DSCAML1: variants seen among roughly 807,000 people sequenced by gnomAD.
DSCAML1 encodes the protein DS cell adhesion molecule like 1, also known as cell adhesion molecule DSCAML1.
Under a neutral mutation model 200.5 loss-of-function variants are expected in DSCAML1, and 38 were observed. The ratio of observed to expected loss-of-function variants is 0.19; its 90% CI spans 0.15 to 0.25. DSCAML1 has a LOEUF of 0.25. DSCAML1 is among the 10% of genes least tolerant of loss of function. The pLI is 1.00. For missense variants in DSCAML1, 2,223 were observed against 2,858.8 expected (o/e 0.78, Z 5.07); for synonymous variants, 1,215 against 1,165.0 (o/e 1.04, Z -0.87).
intron 3 of DSCAML1, among the ~76,000 whole-genome samples, chr11:117,640,288 G>A (rs1430525027): frequency 6.6e-6 from 1 of 152,214 alleles, no homozygotes; most frequent in Non-Finnish European, 1.5e-5. Context: ...TTCCATCGCT[G>A]AGCCAGCCCT....
At chr11:117,691,883 G>C (rs756450626) in intron 3 of DSCAML1, among the ~76,000 whole-genome samples, 3 of 152,032 alleles carry the variant, frequency 2.0e-5, no homozygotes, top group Non-Finnish European at 2.9e-5. Flanking sequence ...GGGTGGGTGG[G>C]GCTGCAGGGG....
chr11:117,440,943 AAAAAG>A (rs2048033284), intron 21 of DSCAML1, among the ~76,000 whole-genome samples: 2 of 150,878 alleles, frequency 1.3e-5, no homozygotes, highest in Non-Finnish European at 3.0e-5. Flanking sequence ...AAAAAAAAAA[AAAAAG>A]GAGTGGTGTC....
Position 117,428,067 on chromosome 11 carries a change from A to C in DSCAML1, c.*261T>G. ...CCTGTCTGTCTATATATGTATATATATCTCCACACATATTTTGTGGGGTGG... is the reference window on the plus strand; with the variant it reads ...CCTGTCTGTCTATATATGTATATATCTCTCCACACATATTTTGTGGGGTGG... On this transcript the variant is annotated 3_prime_UTR_variant, in exon 33 of 33. Transcript: ENST00000651296. 1 of 397,600 alleles carries C rather than the reference A, an allele frequency of 2.5e-6. No homozygotes were observed. Among genetic ancestry groups the C allele is most frequent in the Non-Finnish European group, 4.5e-6 (1 of 221,804 alleles). 24.6% of individuals were successfully genotyped at this position (397,600 alleles called of 1,614,324 possible). A position where few individuals can be genotyped will look rare whatever the true frequency, so the allele number is the denominator to read the frequency against.
chr11:117,540,326 G>A (rs634867), intron 3 of DSCAML1, among the ~76,000 whole-genome samples: 23,332 of 152,082 alleles, frequency 0.15, 2,069 homozygotes, highest in South Asian at 0.39. Flanking sequence ...GCCTGCGAGG[G>A]ATCTAGGTTG....
intron 3 of DSCAML1, among the ~76,000 whole-genome samples, chr11:117,573,572 A>G (rs2050882872): frequency 6.6e-6 from 1 of 152,176 alleles, no homozygotes; most frequent in Middle Eastern, 3.2e-3. Flanking sequence ...CACAACATCC[A>G]GAGGTAGGTG....
Position 117,518,186 on chromosome 11 carries a change from G to C in DSCAML1, c.1510+280C>G, listed in dbSNP as rs900518608. Among the ~76,000 whole-genome samples the C allele has an allele frequency of 6.6e-6, 1 of 152,124 alleles. No homozygotes were observed. The highest frequency in any genetic ancestry group is 2.4e-5 in the African/African-American group (1 of 41,424). On this transcript the variant is annotated intron_variant, in intron 7 of 32. Transcript: ENST00000651296. This position sits in a 1 kb window ranked among gnomAD's most constrained non-coding sequence, Gnocchi z 6.3. The stretch of plus-strand genomic sequence containing the variant: ...TGGGGAGGAATGGGCTAGAGGGTAA[G>C]AGAAGGGGCTGGGCTGGCTGGATTT...
chr11:117,795,519 T>C (rs1040713077), intron 1 of DSCAML1, among the ~76,000 whole-genome samples: 27 of 151,940 alleles, frequency 1.8e-4, no homozygotes, highest in African/African-American at 6.3e-4. Context: ...AGGAGTGCGA[T>C]GCGGGGGGCA....
chr11:117,478,067 G>A (rs1305533142), intron 14 of DSCAML1, among the ~76,000 whole-genome samples: 1 of 152,216 alleles, frequency 6.6e-6, no homozygotes, highest in African/African-American at 2.4e-5. Flanking sequence ...GAGCCAGAAG[G>A]GCAAGACGTG....
At chr11:117,526,220 C>A (rs770326117) in intron 4 of DSCAML1, among the ~76,000 whole-genome samples, 3 of 152,224 alleles carry the variant, frequency 2.0e-5, no homozygotes, top group Admixed American at 1.3e-4. Flanking sequence ...CCCTCACCTA[C>A]ACAACACACC....
At chr11:117,570,943 G>A (rs1025753528) in intron 3 of DSCAML1, among the ~76,000 whole-genome samples, 5 of 152,234 alleles carry the variant, frequency 3.3e-5, no homozygotes, top group African/African-American at 4.8e-5. Context: ...CTGGCCCCAC[G>A]CCAGCTACAA....
At chr11:117,688,845 T>C (rs950745168) in intron 3 of DSCAML1, among the ~76,000 whole-genome samples, 2 of 152,258 alleles carry the variant, frequency 1.3e-5, no homozygotes, top group African/African-American at 4.8e-5. Flanking sequence ...TTTCCCTTTT[T>C]AACCAAGGTC....
At chr11:117,460,785 C>T (rs1049534338) in intron 18 of DSCAML1, among the ~76,000 whole-genome samples, 1 of 152,146 alleles carries the variant, frequency 6.6e-6, no homozygotes, top group Admixed American at 6.5e-5. Flanking sequence ...ACCTCTCTGC[C>T]CTTCTCTGGA....
Position 117,685,089 on chromosome 11 carries a change from G to A in DSCAML1, c.511+91702C>T, listed in dbSNP as rs564174096. On this transcript the variant is annotated intron_variant, in intron 3 of 32. Transcript: ENST00000651296. ...AGTAACCAAGGCCTTCCGTGACATC[G>A]AGGCACCTAGGGATCTCCCCAGGGC... Among the ~76,000 whole-genome samples the A allele has an allele frequency of 2.0e-5, 3 of 152,330 alleles. No homozygotes were observed. In the South Asian group the frequency reaches 6.2e-4, roughly 32 times the overall value.
Position 117,428,136 on chromosome 11 carries a change from T to G in DSCAML1, c.*192A>C. On this transcript the variant is annotated 3_prime_UTR_variant, in exon 33 of 33. Coordinates refer to ENST00000651296, the MANE Select transcript of DSCAML1 (RefSeq NM_020693.4). Reference sequence around the variant, plus strand: ...TCAAATTCTTTGTGCCCTGGCTTCATGGAGAAGAAGAAAATAGTTTCATTT... The same window carrying G: ...TCAAATTCTTTGTGCCCTGGCTTCAGGGAGAAGAAGAAAATAGTTTCATTT... 9 of 507,788 alleles carry G rather than the reference T, an allele frequency of 1.8e-5. No individual in the cohort carries two copies. Among genetic ancestry groups the G allele is most frequent in the East Asian group, 7.4e-5 (2 of 27,084 alleles). 31.5% of individuals were successfully genotyped at this position (507,788 alleles called of 1,614,324 possible). A position where few individuals can be genotyped will look rare whatever the true frequency, so the allele number is the denominator to read the frequency against.
intron 3 of DSCAML1, among the ~76,000 whole-genome samples, chr11:117,620,601 G>A (rs1458421822): frequency 1.3e-5 from 2 of 152,110 alleles, no homozygotes; most frequent in Non-Finnish European, 2.9e-5. Context: ...CTTCTCCTGC[G>A]GCTGTCCTCT....
intron 3 of DSCAML1, among the ~76,000 whole-genome samples, chr11:117,756,142 G>C (rs1018785452): frequency 1.3e-5 from 2 of 152,212 alleles, no homozygotes; most frequent in African/African-American, 4.8e-5. Context: ...AAGTGGCTCA[G>C]GGCCCTTTTC....
intron 3 of DSCAML1, among the ~76,000 whole-genome samples, chr11:117,595,408 T>C (rs915607109): frequency 6.6e-6 from 1 of 152,238 alleles, no homozygotes; most frequent in Non-Finnish European, 1.5e-5. Context: ...TTTAGTCTTT[T>C]TTTGGAAGGG....
upstream of DSCAML1, among the ~76,000 whole-genome samples, chr11:117,797,454 A>G (rs1032300637): frequency 1.3e-5 from 2 of 152,206 alleles, no homozygotes; most frequent in Admixed American, 1.3e-4. Context: ...ACCGGCTTGG[A>G]GCCTGTGGTC....
intron 3 of DSCAML1, among the ~76,000 whole-genome samples, chr11:117,660,027 GC>G (rs1440286713): frequency 6.6e-6 from 1 of 152,106 alleles, no homozygotes; most frequent in Non-Finnish European, 1.5e-5. Context: ...CCCGGCCTCT[GC>G]CTCACACTTT....
Sources: gnomAD v4.1 joint callset for allele counts (sites outside exome capture counted in the v4.1 genomes callset) on GRCh38, gnomAD v4.1.1 for gene constraint, Gnocchi (gnomAD v3.1) non-coding constraint, MANE v1.5 for transcripts, NCBI Gene and HGNC (gene_info 2026-07-23, HGNC 2026-07-21) for gene names.